Variants in XPNPEP1 observed in about 807,000 individuals in gnomAD.
The protein encoded by XPNPEP1 is X-prolyl aminopeptidase 1, also known as xaa-Pro aminopeptidase 1.
XPNPEP1 carries 39 observed loss-of-function variants against 92.4 expected under a neutral mutation model. That is an observed-to-expected ratio of 0.42 (90% CI 0.33 to 0.55). The LOEUF (loss-of-function observed/expected upper bound fraction) is 0.55. Among genes scored for constraint, XPNPEP1 ranks in the 20% least tolerant of loss-of-function variants. The pLI is 0.08. For synonymous variants in XPNPEP1, 307 were observed against 299.4 expected, an observed-to-expected ratio of 1.03 and a Z score of -0.26; for missense variants, 654 against 856.1, an observed-to-expected ratio of 0.76 and a Z score of 2.95.
At chr10:109,878,757 T>C (rs1847918864) in intron 12 of XPNPEP1, among the ~76,000 whole-genome samples, 1 of 151,740 alleles carries the variant, frequency 6.6e-6, no homozygotes, top group Non-Finnish European at 1.5e-5. Flanking sequence ...TGGGCTGTAG[T>C]CCCAACTAAT....
intron 2 of XPNPEP1, among the ~76,000 whole-genome samples, chr10:109,909,157 G>C (rs891582813): frequency 6.6e-6 from 1 of 152,186 alleles, no homozygotes; most frequent in Non-Finnish European, 1.5e-5. Context: ...TGTAGTCCCA[G>C]CTACTCAGGA....
intron 9 of XPNPEP1, among the ~76,000 whole-genome samples, chr10:109,883,321 C>A (rs1158711737): frequency 6.6e-6 from 1 of 151,968 alleles, no homozygotes; most frequent in East Asian, 1.9e-4. Flanking sequence ...CCCCTCCTCA[C>A]CCTGCCATTC....
chr10:109,867,896 C>T lies in XPNPEP1; in HGVS notation c.1872+718G>A, dbSNP rs568189791. Among the ~76,000 whole-genome samples the T allele has an allele frequency of 1.3e-5, 2 of 152,314 alleles. No individual in the cohort carries two copies. The highest frequency in any genetic ancestry group is 3.9e-4 in the East Asian group (2 of 5,180). ...GTCTGTCTAGTGCTAACAGTTCCTA[C>T]CCCATTTCTGACCCTTGTTTCTGCT... On this transcript the variant is annotated intron_variant, in intron 20 of 20. Coordinates refer to ENST00000502935, the MANE Select transcript of XPNPEP1 (RefSeq NM_020383.4). This position sits in a 1 kb window ranked among gnomAD's most constrained non-coding sequence, Gnocchi z 4.5.
chr10:109,880,768 C>T, intron 11 of XPNPEP1, 74 bp downstream of exon 11: 1 of 1,449,532 alleles, frequency 6.9e-7, no homozygotes, highest in South Asian at 1.2e-5. Flanking sequence ...AGGCTCAATG[C>T]CACAGAGGAG....
chr10:109,918,903 GGAAGGAAGGAAGGAGA>G (rs1449572369), intron 1 of XPNPEP1, among the ~76,000 whole-genome samples: 9 of 76,244 alleles, frequency 1.2e-4, no homozygotes, highest in African/African-American at 4.1e-4. Context: ...AAGGAAGGAA[GGAAGGAAGGAAGGAGA>G]GAGAGAAAAA....
Position 109,911,144 on chromosome 10 carries a change from G to A in XPNPEP1, c.122-3329C>T, listed in dbSNP as rs528222553. ...GCAGCAAGGGCAACTTCAAAAGCAG[G>A]CCTTAGGGCTCACCCTCAGGAGTCT... is the stretch of plus-strand genomic sequence containing the variant. On this transcript the variant is annotated intron_variant, in intron 2 of 20. Coordinates refer to ENST00000502935, the MANE Select transcript of XPNPEP1 (RefSeq NM_020383.4). 2.0e-5 allele frequency among the ~76,000 whole-genome samples: 3 copies of A among 152,376 alleles called. No individual in the cohort carries two copies. The East Asian group carries it at 5.8e-4, about 29-fold the overall frequency.
intron 2 of XPNPEP1, among the ~76,000 whole-genome samples, chr10:109,912,270 C>A (rs7087731): frequency 0.55 from 83,312 of 152,112 alleles, 24,992 homozygotes; most frequent in East Asian, 0.77. Context: ...GTTCTGGGTG[C>A]AATGCAGCTA....
intron 1 of XPNPEP1, among the ~76,000 whole-genome samples, chr10:109,920,920 T>C (rs190205023): frequency 1.3e-5 from 2 of 152,286 alleles, no homozygotes; most frequent in Admixed American, 1.3e-4. Context: ...ATAGGCCATA[T>C]AACTCAGTAG....
At chr10:109,879,238 T>C (rs898844786) in intron 12 of XPNPEP1, among the ~76,000 whole-genome samples, 14 of 148,722 alleles carry the variant, frequency 9.4e-5, no homozygotes, top group African/African-American at 2.5e-4. Flanking sequence ...CAAGGCTCTG[T>C]CTCAAAAATA....
At chr10:109,901,091 T>C (rs1045512545) in intron 3 of XPNPEP1, among the ~76,000 whole-genome samples, 22 of 152,014 alleles carry the variant, frequency 1.4e-4, no homozygotes, top group Non-Finnish European at 5.9e-5. Flanking sequence ...CACCATGGAA[T>C]TCTATGCAGC....
At chr10:109,905,721 T>C (rs2133516568) in intron 3 of XPNPEP1, among the ~76,000 whole-genome samples, 1 of 152,338 alleles carries the variant, frequency 6.6e-6, no homozygotes, top group East Asian at 1.9e-4. Flanking sequence ...TTATACATTT[T>C]TCACCACAAT....
rs749902413 is a variant in XPNPEP1, at chr10:109,907,823, A to C, written c.122-8T>G. The C allele has an allele frequency of 6.2e-7, 1 of 1,613,874 alleles. No homozygotes were observed. The highest frequency in any genetic ancestry group is 8.5e-7 in the Non-Finnish European group (1 of 1,179,860). ...TTGGAGGCATTCTGCCGTCTGCAAC[A>C]ACAGGAGAGCAAATTTCAAAACCAG... On this transcript the variant is annotated splice_polypyrimidine_tract_variant and splice_region_variant and intron_variant, in intron 2 of 20. Coordinates refer to ENST00000502935, the MANE Select transcript of XPNPEP1 (RefSeq NM_020383.4).
intron 5 of XPNPEP1, among the ~76,000 whole-genome samples, chr10:109,890,758 A>G (rs1848664363): frequency 6.6e-6 from 1 of 152,138 alleles, no homozygotes; most frequent in Non-Finnish European, 1.5e-5. Context: ...TTCCTCCCTA[A>G]GACAAAGAAC....
At chr10:109,866,179 G>C (rs1340817502) in intron 20 of XPNPEP1, among the ~76,000 whole-genome samples, 2 of 152,242 alleles carry the variant, frequency 1.3e-5, no homozygotes, top group Non-Finnish European at 2.9e-5. Context: ...AGGCCATTTT[G>C]GAGGGCAGCG....
In XPNPEP1 at chr10:109,867,296, A is replaced by G. The variant is rs949569697; in HGVS notation, c.1872+1318T>C. Among the ~76,000 whole-genome samples the G allele has an allele frequency of 2.6e-5, 4 of 152,228 alleles. No individual in the cohort carries two copies. The highest frequency in any genetic ancestry group is 9.6e-5 in the African/African-American group (4 of 41,470). On this transcript the variant is annotated intron_variant, in intron 20 of 20. Coordinates refer to ENST00000502935, the MANE Select transcript of XPNPEP1 (RefSeq NM_020383.4). The surrounding 1 kb of genome is among the most constrained non-coding windows in gnomAD (Gnocchi z 4.5). ...ACAGGGGCTGGACAAGAGCCCCTGG[A>G]CACTGGAAGGACTCTTCCTGCTGAA...
chr10:109,881,392 C>G (rs1184206957), intron 10 of XPNPEP1, among the ~76,000 whole-genome samples: 6 of 152,196 alleles, frequency 3.9e-5, no homozygotes, highest in Non-Finnish European at 7.3e-5. Context: ...GGTCCTATCT[C>G]AGCTACTGAT....
intron 15 of XPNPEP1, among the ~76,000 whole-genome samples, chr10:109,874,569 T>C (rs1247679043): frequency 6.6e-6 from 1 of 152,230 alleles, no homozygotes; most frequent in Non-Finnish European, 1.5e-5. Context: ...CCAGGCATGG[T>C]TGCCACGTAA....
In XPNPEP1 at chr10:109,865,192, G is replaced by C. The variant is rs1346478984; in HGVS notation, c.1993C>G (p.Gln665Glu). 2 of 1,614,068 alleles carry C rather than the reference G, an allele frequency of 1.2e-6. No homozygotes were observed. The highest frequency in any genetic ancestry group is 1.7e-6 in the Non-Finnish European group (2 of 1,180,026). Residue 665 changes from glutamine to glutamate, a missense_variant, in exon 21 of 21, where the codon CAG (glutamine) becomes GAG (glutamate). Gln to Glu is a conservative substitution (Grantham distance 29). Coordinates refer to ENST00000502935, the MANE Select transcript of XPNPEP1 (RefSeq NM_020383.4). The part of the protein sequence containing the change: ...LIRETQPISK[Q>E]H Reference sequence around the variant, plus strand: ...AACCGGGGAGGTATTTATTAATGCTGTTTGGAGATGGGTTGCGTCTCTCTG... The same window carrying C: ...AACCGGGGAGGTATTTATTAATGCTCTTTGGAGATGGGTTGCGTCTCTCTG...
intron 4 of XPNPEP1, among the ~76,000 whole-genome samples, chr10:109,892,095 G>C (rs118084018): frequency 6.6e-6 from 1 of 152,316 alleles, no homozygotes; most frequent in Non-Finnish European, 1.5e-5. Context: ...CACAGTATGA[G>C]TCAAGAACAG....
Sources: allele counts gnomAD v4.1 joint callset (sites outside exome capture counted in the v4.1 genomes callset), GRCh38; gene constraint gnomAD v4.1.1; non-coding constraint Gnocchi (gnomAD v3.1); transcripts MANE v1.5; gene names NCBI Gene and HGNC (gene_info 2026-07-23, HGNC 2026-07-21).